Variants in RARB observed in about 807,000 individuals in gnomAD.
The protein encoded by RARB is HBV-activated protein.
In RARB, 17 loss-of-function variants were observed where a neutral mutation model predicts 51.9. That is an observed-to-expected ratio of 0.33 (90% CI 0.22 to 0.49). The LOEUF (loss-of-function observed/expected upper bound fraction) is 0.49. Ranked by LOEUF, RARB falls within the 20% of genes least tolerant of loss-of-function variation. RARB has a pLI of 0.99. For missense variants in RARB, 369 were observed against 550.8 expected (o/e 0.67, Z 3.30); for synonymous variants, 215 against 195.4 (o/e 1.10, Z -0.84).
At chr3:25,343,867 C>T (rs1343314627) in intron 5 of RARB, among the ~76,000 whole-genome samples, 5 of 152,136 alleles carry the variant, frequency 3.3e-5, no homozygotes, top group East Asian at 1.9e-4. Context: ...AATACAAGGG[C>T]CTTGGTGAAG....
chr3:25,208,857 C>A (rs1252565453), intron 5 of RARB, among the ~76,000 whole-genome samples: 4 of 152,116 alleles, frequency 2.6e-5, no homozygotes, highest in Non-Finnish European at 5.9e-5. Context: ...CTGGGAAGCG[C>A]CTGCCTACTT....
At chr3:25,035,722 C>T (rs1697978184) in intron 2 of RARB, among the ~76,000 whole-genome samples, 1 of 152,174 alleles carries the variant, frequency 6.6e-6, no homozygotes, top group Admixed American at 6.5e-5. Flanking sequence ...TGCAATGACT[C>T]AGCTCTGCCC....
intron 2 of RARB, among the ~76,000 whole-genome samples, chr3:24,948,532 G>C (rs935358191): frequency 6.6e-6 from 1 of 152,202 alleles, no homozygotes; most frequent in African/African-American, 2.4e-5. Flanking sequence ...GACAATTGAA[G>C]AGGTAAAAAT....
At chr3:25,382,907 G>T (rs1177154406) in intron 5 of RARB, among the ~76,000 whole-genome samples, 1 of 152,150 alleles carries the variant, frequency 6.6e-6, no homozygotes, top group Non-Finnish European at 1.5e-5. Context: ...GGCACCAGCT[G>T]CTGAAGACTT....
At chr3:25,059,233 A>T (rs1698500567) in intron 2 of RARB, among the ~76,000 whole-genome samples, 1 of 151,758 alleles carries the variant, frequency 6.6e-6, no homozygotes, top group Admixed American at 6.6e-5. Flanking sequence ...CTATTTATGT[A>T]CATTCGTTTC....
intron 5 of RARB, among the ~76,000 whole-genome samples, chr3:25,343,024 T>TTGTGTGTGTGTGTG (rs6147737): frequency 0.022 from 2,965 of 132,014 alleles, 97 homozygotes; most frequent in Non-Finnish European, 0.032. Context: ...TGCAAGTACT[T>TTGTGTGTGTGTGTG]TGTGTGTGTG....
intron 3 of RARB, among the ~76,000 whole-genome samples, chr3:25,107,249 A>G (rs918367357): frequency 7.9e-5 from 12 of 152,278 alleles, no homozygotes; most frequent in East Asian, 7.7e-4. Flanking sequence ...CAGTACTTCT[A>G]TCAGTTATCT....
chr3:25,419,659 C>T (rs968279822), intron 5 of RARB, among the ~76,000 whole-genome samples: 1 of 152,184 alleles, frequency 6.6e-6, no homozygotes, highest in Non-Finnish European at 1.5e-5. Flanking sequence ...AGACCCCCAA[C>T]CCCAGAAATT....
intron 1 of RARB, among the ~76,000 whole-genome samples, chr3:24,849,398 C>G (rs1391566372): frequency 6.6e-6 from 1 of 152,208 alleles, no homozygotes. Flanking sequence ...TAATGGCTCT[C>G]AAGAAGCTGC....
rs33947703 is a variant in RARB at position 25,286,083 on chromosome 3, CTTTTTTTTTTT to C, written c.178+111525_178+111535del. Among the ~76,000 whole-genome samples, 3 of 76,476 alleles carry C rather than the reference CTTTTTTTTTTT, an allele frequency of 3.9e-5. No individual in the cohort carries two copies. The Admixed American group carries it at 5.6e-4, about 14-fold the overall frequency. 50.2% of individuals were successfully genotyped at this position (76,476 alleles called of 152,430 possible). A position where few individuals can be genotyped will look rare whatever the true frequency, so the allele number is the denominator to read the frequency against. On this transcript the variant is annotated intron_variant, in intron 5 of 11. Coordinates refer to the RARB transcript ENST00000383772. ...ATTAATTGCTAGTCTTGATCTTTCT[CTTTTTTTTTTT>C]TTTTTTTTTTTTTTTTGAGACGGAG...
intron 4 of RARB, among the ~76,000 whole-genome samples, chr3:25,574,481 G>T (rs1700841340): frequency 6.6e-6 from 1 of 152,188 alleles, no homozygotes; most frequent in Admixed American, 6.5e-5. Context: ...CCCAGGTTCT[G>T]TAAACTAGCG....
intron 5 of RARB, among the ~76,000 whole-genome samples, chr3:25,584,873 C>A (rs1479263847): frequency 6.6e-6 from 1 of 152,142 alleles, no homozygotes; most frequent in Non-Finnish European, 1.5e-5. Context: ...GGTCCCTGCC[C>A]TGTTGGACTC....
At chr3:25,359,447 C>T (rs1367262257) in intron 5 of RARB, among the ~76,000 whole-genome samples, 9 of 150,586 alleles carry the variant, frequency 6.0e-5, no homozygotes, top group Middle Eastern at 3.4e-3. Flanking sequence ...ATTGATTTTT[C>T]GAAGGGTTTT....
intron 2 of RARB, among the ~76,000 whole-genome samples, chr3:25,026,156 G>A (rs1697744117): frequency 6.6e-6 from 1 of 152,258 alleles, no homozygotes; most frequent in Admixed American, 6.5e-5. Flanking sequence ...TTTGCATAAA[G>A]TTGTGGCATA....
At chr3:25,392,720 A>G (rs1394664373) in intron 5 of RARB, among the ~76,000 whole-genome samples, 2 of 152,032 alleles carry the variant, frequency 1.3e-5, no homozygotes, top group Non-Finnish European at 2.9e-5. Flanking sequence ...AGTGCTACTG[A>G]TTTGTGTACA....
At chr3:25,297,180 A>G (rs1703933917) in intron 5 of RARB, among the ~76,000 whole-genome samples, 1 of 152,200 alleles carries the variant, frequency 6.6e-6, no homozygotes, top group South Asian at 2.1e-4. Flanking sequence ...ACATCTTAGG[A>G]GAGGATTAAT....
chr3:25,233,554 C>T (rs1023033538), intron 5 of RARB, among the ~76,000 whole-genome samples: 1 of 152,048 alleles, frequency 6.6e-6, no homozygotes, highest in African/African-American at 2.4e-5. Flanking sequence ...TACTTTATTG[C>T]ATGGCTAAAA....
chr3:25,166,701 G>A (rs948241214), intron 4 of RARB, among the ~76,000 whole-genome samples: 2 of 152,092 alleles, frequency 1.3e-5, no homozygotes, highest in South Asian at 4.1e-4. Context: ...TGTCTGTTTT[G>A]TTGCTTGGAT....
At chr3:24,859,253 A>T (rs1702695485) in intron 2 of RARB, among the ~76,000 whole-genome samples, 4 of 151,878 alleles carry the variant, frequency 2.6e-5, no homozygotes. Context: ...CTCTTGAAAC[A>T]AGGTGGTTCT....
Sources: gnomAD v4.1 joint callset for allele counts (sites outside exome capture counted in the v4.1 genomes callset) on GRCh38, gnomAD v4.1.1 for gene constraint, MANE v1.5 for transcripts, NCBI Gene and HGNC (gene_info 2026-07-23, HGNC 2026-07-21) for gene names.